Variants in MED30 observed in about 807,000 individuals in gnomAD.
The protein encoded by MED30 is mediator complex subunit 30, also known as mediator of RNA polymerase II transcription subunit 30.
In MED30, 8 loss-of-function variants were observed where a neutral mutation model predicts 21.7. The ratio of observed to expected loss-of-function variants is 0.37; its 90% CI spans 0.22 to 0.67. The LOEUF is 0.67. Among genes scored for constraint, MED30 ranks in the 30% least tolerant of loss-of-function variants. The pLI is 0.58. For synonymous variants in MED30, 79 were observed against 86.7 expected (o/e 0.91, Z 0.49); for missense variants, 203 against 228.2 (o/e 0.89, Z 0.71).
intron 1 of MED30, among the ~76,000 whole-genome samples, chr8:117,528,365 T>A (rs1366202460): frequency 6.6e-6 from 1 of 151,960 alleles, no homozygotes; most frequent in Non-Finnish European, 1.5e-5. Context: ...AATTTTTTTT[T>A]AAAGTTACAC....
intron 3 of MED30, among the ~76,000 whole-genome samples, chr8:117,535,713 G>T (rs1218443990): frequency 6.6e-6 from 1 of 151,930 alleles, no homozygotes; most frequent in African/African-American, 2.4e-5. Context: ...TTAAGTTTTT[G>T]TCTCTGTCAA....
chr8:117,525,994 T>A (rs555340451), intron 1 of MED30, among the ~76,000 whole-genome samples: 3 of 152,046 alleles, frequency 2.0e-5, no homozygotes, highest in Non-Finnish European at 2.9e-5. Flanking sequence ...TGTTGACTCT[T>A]ACTAACCAAG....
Position 117,528,643 on chromosome 8 carries a change from C to A in MED30, c.178-8C>A. ...TTGATATTTTTATTCTTTGTTTTTC[C>A]TGATAAGCTGCCAAATGGTGTCACT... On this transcript the variant is annotated splice_region_variant and splice_polypyrimidine_tract_variant and intron_variant, in intron 1 of 3. Coordinates refer to ENST00000297347, the MANE Select transcript of MED30 (RefSeq NM_080651.4). 1 of 1,535,152 alleles carries A rather than the reference C, an allele frequency of 6.5e-7. No homozygotes were observed. Among genetic ancestry groups the A allele is most frequent in the Non-Finnish European group, 8.7e-7 (1 of 1,143,784 alleles).
At chr8:117,537,170 T>G (rs1163655979) in intron 3 of MED30, among the ~76,000 whole-genome samples, 2 of 152,266 alleles carry the variant, frequency 1.3e-5, no homozygotes, top group Admixed American at 1.3e-4. Context: ...AACCATTTTT[T>G]GTCAAGTGTC....
At chr8:117,537,035 G>A (rs1818890116) in intron 3 of MED30, among the ~76,000 whole-genome samples, 1 of 152,240 alleles carries the variant, frequency 6.6e-6, no homozygotes, top group African/African-American at 2.4e-5. Flanking sequence ...GGACAAGCTT[G>A]CTTTGGGGAC....
chr8:117,522,716 C>G (rs1426937986), intron 1 of MED30, among the ~76,000 whole-genome samples: 1 of 149,052 alleles, frequency 6.7e-6, no homozygotes, highest in Non-Finnish European at 1.5e-5. Context: ...ATTTTTAAGA[C>G]CATGTGAAAT....
At chr8:117,532,187 C>T (rs960917974) in intron 3 of MED30, among the ~76,000 whole-genome samples, 2 of 151,932 alleles carry the variant, frequency 1.3e-5, no homozygotes, top group South Asian at 2.1e-4. Flanking sequence ...TTAATACTCA[C>T]AGTTTTAATA....
At chr8:117,528,144 A>G (rs1487141823) in intron 1 of MED30, among the ~76,000 whole-genome samples, 2 of 151,886 alleles carry the variant, frequency 1.3e-5, no homozygotes, top group Non-Finnish European at 2.9e-5. Context: ...TGACAGGTTT[A>G]TATTTTAATG....
At chr8:117,534,753 G>A (rs1429198897) in intron 3 of MED30, among the ~76,000 whole-genome samples, 1 of 151,592 alleles carries the variant, frequency 6.6e-6, no homozygotes. Context: ...GTGGGCACAG[G>A]GAAAAGATGG....
At chr8:117,523,454 T>C in intron 1 of MED30, 4 of 1,577,628 alleles carry the variant, frequency 2.5e-6, no homozygotes, top group Non-Finnish European at 2.6e-6. Flanking sequence ...GGCTGAGGCC[T>C]GCCAGTCTCT....
chr8:117,537,519 G>T (rs1818900620), intron 3 of MED30, among the ~76,000 whole-genome samples: 1 of 151,916 alleles, frequency 6.6e-6, no homozygotes, highest in South Asian at 2.1e-4. Context: ...TTTGAGAAAC[G>T]CTATCCCAAG....
At chr8:117,530,696 C>T (rs1283337979) in intron 2 of MED30, 27 bp from the exon 3 acceptor site, 3 of 1,549,678 alleles carry the variant, frequency 1.9e-6, no homozygotes, top group Non-Finnish European at 2.7e-6. Context: ...ATATTTTTGC[C>T]TTTTAATTTT....
intron 2 of MED30, chr8:117,530,498 A>G (rs922310415): frequency 1.5e-5 from 5 of 330,920 alleles, no homozygotes; most frequent in African/African-American, 8.5e-5. Flanking sequence ...ATGACAACCA[A>G]TGTTATAAAG....
Position 117,521,102 on chromosome 8 carries a change from G to C in MED30, c.177+49G>C, listed in dbSNP as rs753365045. On this transcript the variant is annotated intron_variant, in intron 1 of 3. Transcript: ENST00000297347. ...CAGGGGGATGCAGCTGGGAGGGAAA[G>C]GGCCTCTGGTTTCCTCTTTACGTGG... The C allele has an allele frequency of 2.0e-6, 3 of 1,517,470 alleles. No individual in the cohort carries two copies. In the South Asian group the frequency reaches 3.8e-5, roughly 19 times the overall value. 94.0% of individuals were successfully genotyped at this position (1,517,470 alleles called of 1,614,324 possible). A position where few individuals can be genotyped will look rare whatever the true frequency, so the allele number is the denominator to read the frequency against.
intron 1 of MED30, among the ~76,000 whole-genome samples, chr8:117,527,237 A>G (rs1193901121): frequency 6.6e-6 from 1 of 151,976 alleles, no homozygotes; most frequent in Non-Finnish European, 1.5e-5. Flanking sequence ...ATAAACTGAG[A>G]GTTCAGGAGG....
At chr8:117,526,964 G>A (rs138726997) in intron 1 of MED30, among the ~76,000 whole-genome samples, 3,196 of 151,878 alleles carry the variant, frequency 0.021, 77 homozygotes, top group Middle Eastern at 0.031. Context: ...AAAATAACTC[G>A]CTTAAGTAAA....
intron 3 of MED30, among the ~76,000 whole-genome samples, chr8:117,538,453 T>C (rs1357335460): frequency 1.3e-5 from 2 of 152,178 alleles, no homozygotes; most frequent in African/African-American, 2.4e-5. Context: ...TCCCTAACTC[T>C]GAATAGAAGC....
intron 2 of MED30, 131 bp from the exon 3 acceptor site, chr8:117,530,592 C>T: frequency 1.7e-6 from 1 of 596,862 alleles, no homozygotes; most frequent in East Asian, 2.9e-5. Context: ...TTCAGGCCAT[C>T]ACCTGAATTG....
chr8:117,521,184 C>A, intron 1 of MED30, 131 bp downstream of exon 1: 2 of 777,618 alleles, frequency 2.6e-6, no homozygotes, highest in Non-Finnish European at 1.9e-6. Context: ...GGGTCTCCCC[C>A]ATTCACACTC....
Sources: allele counts gnomAD v4.1 joint callset (sites outside exome capture counted in the v4.1 genomes callset), GRCh38; gene constraint gnomAD v4.1.1; transcripts MANE v1.5; gene names NCBI Gene and HGNC (gene_info 2026-07-23, HGNC 2026-07-21).